CD86: variants seen among roughly 807,000 people sequenced by gnomAD.
The protein encoded by CD86 is T-lymphocyte activation antigen CD86.
CD86 carries 11 observed loss-of-function variants against 32.1 expected under a neutral mutation model. The observed-to-expected ratio is 0.34, with a 90% CI of 0.22 to 0.57. The LOEUF is 0.57. Ranked by LOEUF, CD86 falls within the 20% of genes least tolerant of loss-of-function variation. The pLI is 0.86. For synonymous variants in CD86, 137 were observed against 135.3 expected, an observed-to-expected ratio of 1.01 and a Z score of -0.09; for missense variants, 359 against 398.4, an observed-to-expected ratio of 0.90 and a Z score of 0.84.
chr3:122,114,483 A>G (rs1224225389), intron 5 of CD86, among the ~76,000 whole-genome samples: 2 of 152,162 alleles, frequency 1.3e-5, no homozygotes, highest in African/African-American at 4.8e-5. Flanking sequence ...GATAAGCCCT[A>G]TGATTGCTCT....
chr3:122,117,414 G>T (rs775060399), intron 5 of CD86, among the ~76,000 whole-genome samples: 1 of 152,210 alleles, frequency 6.6e-6, no homozygotes, highest in Non-Finnish European at 1.5e-5. Context: ...GATTCTTGTG[G>T]TCTATAAATA....
chr3:122,089,193 T>A (rs2072773282), intron 1 of CD86, among the ~76,000 whole-genome samples: 1 of 152,180 alleles, frequency 6.6e-6, no homozygotes, highest in Non-Finnish European at 1.5e-5. Context: ...AGAGTTATTG[T>A]TTAATAGGTA....
At position 122,091,268 on chromosome 3, in the gene CD86, C is replaced by T. The variant is rs550144691; in HGVS notation, c.15-333C>T. Among the ~76,000 whole-genome samples the T allele has an allele frequency of 2.0e-5, 3 of 152,316 alleles. No homozygotes were observed. The East Asian group carries it at 5.8e-4, about 29-fold the overall frequency. On this transcript the variant is annotated intron_variant, in intron 1 of 6. Coordinates refer to ENST00000330540, the MANE Select transcript of CD86 (RefSeq NM_175862.5). ...CGATTTTCTAGGCCCTTGGACATTT[C>T]CTCTGGATCCCCTGCTGCTAAGAAG...
intron 1 of CD86, among the ~76,000 whole-genome samples, chr3:122,081,724 G>A (rs941840422): frequency 6.6e-6 from 1 of 152,178 alleles, no homozygotes; most frequent in African/African-American, 2.4e-5. Flanking sequence ...AATACAGGGT[G>A]GAACTTCATC....
intron 1 of CD86, among the ~76,000 whole-genome samples, chr3:122,087,105 G>T (rs2107523036): frequency 6.6e-6 from 1 of 152,274 alleles, no homozygotes; most frequent in South Asian, 2.1e-4. Flanking sequence ...TCTTATTCAT[G>T]TTCTCTGATG....
intron 1 of CD86, among the ~76,000 whole-genome samples, chr3:122,085,949 G>A (rs753772844): frequency 1.3e-5 from 2 of 152,162 alleles, no homozygotes; most frequent in Admixed American, 6.5e-5. Flanking sequence ...GGCTGAGGCC[G>A]ACCTAATCCT....
intron 3 of CD86, among the ~76,000 whole-genome samples, chr3:122,104,474 C>T (rs2107539573): frequency 6.6e-6 from 1 of 152,250 alleles, no homozygotes; most frequent in South Asian, 2.1e-4. Context: ...AAAACTATCA[C>T]ACAGTAAAAT....
intron 2 of CD86, among the ~76,000 whole-genome samples, chr3:122,097,672 G>GT (rs1015729026): frequency 1.1e-4 from 17 of 152,332 alleles, no homozygotes; most frequent in African/African-American, 4.1e-4. Context: ...GGAAAATGAG[G>GT]TGAGAGGGCT....
intron 2 of CD86, among the ~76,000 whole-genome samples, chr3:122,099,799 A>G (rs922526869): frequency 2.0e-5 from 3 of 152,222 alleles, no homozygotes; most frequent in African/African-American, 7.2e-5. Context: ...CTATGTATCA[A>G]TTGCTCAATA....
intron 5 of CD86, among the ~76,000 whole-genome samples, chr3:122,113,847 C>A (rs2073210900): frequency 6.6e-6 from 1 of 152,102 alleles, no homozygotes; most frequent in African/African-American, 2.4e-5. Context: ...ATCTGAAGAG[C>A]TACCATGGGA....
In CD86 at chr3:122,106,348, G is replaced by T. The variant is rs143957877; in HGVS notation, c.551G>T (p.Gly184Val). The T allele has an allele frequency of 1.1e-4, 171 of 1,613,950 alleles. 3 individuals carry two copies. The highest frequency in any genetic ancestry group is 1.6e-5 in the Non-Finnish European group (19 of 1,179,980). The change falls in exon 4 of 7, where the codon GGT becomes GTT. Residue 184 changes from glycine to valine, a missense_variant. Gly to Val is a moderately radical substitution (Grantham distance 109). Coordinates refer to ENST00000330540, the MANE Select transcript of CD86 (RefSeq NM_175862.5). ...AAGAATTCAACTATCGAGTATGATG[G>T]TGTTATGCAGAAATCTCAAGATAAT... The part of the protein sequence containing the change: ...RTKNSTIEYD[G>V]VMQKSQDNVT...
Position 122,109,342 on chromosome 3 carries a change from A to G in CD86, c.781A>G (p.Met261Val). The G allele has an allele frequency of 1.2e-6, 2 of 1,614,068 alleles. No individual in the cohort carries two copies. The highest frequency in any genetic ancestry group is 1.7e-6 in the Non-Finnish European group (2 of 1,179,948). Residue 261 changes from methionine (M) to valine (V), a missense_variant, in exon 5 of 7, where the codon ATG becomes GTG. Met to Val is a conservative substitution (Grantham distance 21). Coordinates refer to ENST00000330540, the MANE Select transcript of CD86 (RefSeq NM_175862.5). ...ACTTCCAACAGTTATTATATGTGTG[A>G]TGGTTTTCTGTCTAATTCTATGGAA... The part of the protein sequence containing the change: ...AVLPTVIICV[M>V]VFCLILWKWK...
In CD86 at chr3:122,106,345, A is replaced by T. The variant is rs2073091564; in HGVS notation, c.548A>T (p.Asp183Val). ...LRTKNSTIEY[D>V]GVMQKSQDNV... ...ACCAAGAATTCAACTATCGAGTATG[A>T]TGGTGTTATGCAGAAATCTCAAGAT... The change falls in exon 4 of 7, where the codon GAT becomes GTT. Residue 183 changes from aspartate to valine, a missense_variant. Asp to Val is a radical substitution (Grantham distance 152). Coordinates refer to ENST00000330540, the MANE Select transcript of CD86 (RefSeq NM_175862.5). The T allele has an allele frequency of 1.9e-6, 3 of 1,614,004 alleles. No individual in the cohort carries two copies. The highest frequency in any genetic ancestry group is 2.5e-6 in the Non-Finnish European group (3 of 1,179,982).
intron 6 of CD86, among the ~76,000 whole-genome samples, chr3:122,118,813 T>G (rs2073297159): frequency 6.6e-6 from 1 of 152,252 alleles, no homozygotes; most frequent in African/African-American, 2.4e-5. Flanking sequence ...TCAATAAATG[T>G]TGAAAGAATG....
intron 5 of CD86, among the ~76,000 whole-genome samples, chr3:122,111,900 C>T (rs1223233483): frequency 6.6e-6 from 1 of 152,226 alleles, no homozygotes; most frequent in Non-Finnish European, 1.5e-5. Flanking sequence ...AGTGTTTTCT[C>T]ATTATAGTTT....
intron 4 of CD86, among the ~76,000 whole-genome samples, chr3:122,108,992 C>G (rs1039028445): frequency 6.6e-6 from 1 of 152,160 alleles, no homozygotes; most frequent in African/African-American, 2.4e-5. Context: ...CAGGCTGACC[C>G]TCTTCTTCCT....
At chr3:122,096,345 G>A (rs1016044125) in intron 2 of CD86, among the ~76,000 whole-genome samples, 8 of 152,158 alleles carry the variant, frequency 5.3e-5, no homozygotes, top group Admixed American at 2.0e-4. Context: ...AAAGTCCTGG[G>A]ATTATAGGCA....
Position 122,111,102 on chromosome 3 carries a change from C to T in CD86, c.847+1694C>T, listed in dbSNP as rs568901827. On this transcript the variant is annotated intron_variant, in intron 5 of 6. Transcript: ENST00000330540. ...GTCAGATTGGGCTGAGTGGCACATA[C>T]ATGACCCCTAAGAATGTAATGAAGA... Among the ~76,000 whole-genome samples, 9 of 152,276 alleles carry T rather than the reference C, an allele frequency of 5.9e-5. No individual in the cohort carries two copies. In the South Asian group the frequency reaches 1.9e-3, roughly 32 times the overall value.
chr3:122,106,813 C>A (rs1238437873), intron 4 of CD86, among the ~76,000 whole-genome samples: 1 of 149,602 alleles, frequency 6.7e-6, no homozygotes, highest in African/African-American at 2.5e-5. Context: ...AGAATTCTTT[C>A]TTTGATTACA....
Sources: allele counts gnomAD v4.1 joint callset (sites outside exome capture counted in the v4.1 genomes callset), GRCh38; gene constraint gnomAD v4.1.1; transcripts MANE v1.5; gene names NCBI Gene and HGNC (gene_info 2026-07-23, HGNC 2026-07-21).